RABGAP1L: variants seen among roughly 807,000 people sequenced by gnomAD.
RABGAP1L encodes rab GTPase-activating protein 1-like.
In RABGAP1L, 63 loss-of-function variants were observed where a neutral mutation model predicts 137.7. The observed-to-expected ratio is 0.46, with a 90% CI of 0.37 to 0.56. The LOEUF is 0.56. Ranked by LOEUF, RABGAP1L falls within the 20% of genes least tolerant of loss-of-function variation. RABGAP1L has a pLI of 0.00. For synonymous variants in RABGAP1L, 431 were observed against 433.7 expected (o/e 0.99, Z 0.08); for missense variants, 1,095 against 1,244.0 (o/e 0.88, Z 1.80).
chr1:174,327,763 C>T (rs917368429), intron 11 of RABGAP1L, among the ~76,000 whole-genome samples: 36 of 151,420 alleles, frequency 2.4e-4, no homozygotes, highest in African/African-American at 8.2e-4. Flanking sequence ...TCACTTCACC[C>T]TTAAGAACAT....
chr1:174,703,493 G>C (rs532066604), intron 17 of RABGAP1L, among the ~76,000 whole-genome samples: 3 of 152,224 alleles, frequency 2.0e-5, no homozygotes, highest in African/African-American at 7.2e-5. Flanking sequence ...TCCACTGATG[G>C]ACACTTAACG....
At chr1:174,176,726 A>ATAAAAT (rs1186319790) in intron 1 of RABGAP1L, among the ~76,000 whole-genome samples, 1 of 130,504 alleles carries the variant, frequency 7.7e-6, no homozygotes, top group Non-Finnish European at 1.6e-5. Flanking sequence ...AAAAAAAAAA[A>ATAAAAT]AAAAAAAAAA....
intron 13 of RABGAP1L, among the ~76,000 whole-genome samples, chr1:174,418,445 A>C (rs1650864750): frequency 6.6e-6 from 1 of 152,198 alleles, no homozygotes; most frequent in South Asian, 2.1e-4. Flanking sequence ...GGTCCCTGTG[A>C]TGGCACATTA....
At chr1:174,462,876 G>T (rs773195725) in intron 13 of RABGAP1L, among the ~76,000 whole-genome samples, 5 of 152,116 alleles carry the variant, frequency 3.3e-5, no homozygotes, top group Admixed American at 1.3e-4. Flanking sequence ...ATTCTCAAAA[G>T]AAGACATTTG....
chr1:174,742,207 A>G (rs1462354815), intron 17 of RABGAP1L, among the ~76,000 whole-genome samples: 8 of 143,364 alleles, frequency 5.6e-5, no homozygotes, highest in Non-Finnish European at 7.6e-5. Context: ...GAGGGGGAGG[A>G]GGAGGAAAGA....
At chr1:174,581,233 A>G (rs1485338307) in intron 13 of RABGAP1L, among the ~76,000 whole-genome samples, 1 of 152,252 alleles carries the variant, frequency 6.6e-6, no homozygotes, top group East Asian at 1.9e-4. Flanking sequence ...CTATTTAGCA[A>G]CATTGTTCAT....
Position 174,231,127 on chromosome 1 carries a change from C to G in RABGAP1L, c.332-18C>G. 1 of 1,572,754 alleles carries G rather than the reference C, an allele frequency of 6.4e-7. No individual in the cohort carries two copies. Among genetic ancestry groups the G allele is most frequent in the Non-Finnish European group, 8.7e-7 (1 of 1,149,510 alleles). Reference sequence around the variant, plus strand: ...GTTTTGCAATGACTTTTGAGTGTTTCTTTTTTTGTTTCTTCAGAAATTTCT... The same window carrying G: ...GTTTTGCAATGACTTTTGAGTGTTTGTTTTTTTGTTTCTTCAGAAATTTCT... On this transcript the variant is annotated intron_variant, in intron 3 of 25. Transcript: ENST00000681986.
intron 13 of RABGAP1L, among the ~76,000 whole-genome samples, chr1:174,550,895 T>TATAC (rs1456087584): frequency 0.025 from 1,266 of 50,722 alleles, 12 homozygotes; most frequent in Non-Finnish European, 0.037. Context: ...TATATATATA[T>TATAC]ACACACACAC....
intron 11 of RABGAP1L, among the ~76,000 whole-genome samples, chr1:174,326,204 A>G (rs961064533): frequency 6.6e-6 from 1 of 152,242 alleles, no homozygotes; most frequent in African/African-American, 2.4e-5. Flanking sequence ...CACCAAAAGG[A>G]CAAAGCAAGG....
In RABGAP1L at chr1:174,995,015, G is replaced by C. The variant is rs1252981125; in HGVS notation, c.*5014G>C. 1 of 152,104 alleles carries C rather than the reference G, an allele frequency of 6.6e-6. No individual in the cohort carries two copies. The highest frequency in any genetic ancestry group is 2.4e-5 in the African/African-American group (1 of 41,424). The allele number at this position is 152,104 out of a possible 1,614,324, so 9.4% of individuals were successfully genotyped here. ...CTCTATAAACAATGACCAATTAGAC[G>C]TTTCCGTAATTCCATGTATTATGTA... On this transcript the variant is annotated 3_prime_UTR_variant, in exon 26 of 26. Coordinates refer to ENST00000681986, the MANE Select transcript of RABGAP1L (RefSeq NM_001366446.1).
At chr1:174,521,543 C>G (rs1364727480) in intron 13 of RABGAP1L, among the ~76,000 whole-genome samples, 1 of 152,122 alleles carries the variant, frequency 6.6e-6, no homozygotes, top group Non-Finnish European at 1.5e-5. Context: ...TAGGTCTTTC[C>G]CAATGACCCT....
intron 7 of RABGAP1L, among the ~76,000 whole-genome samples, chr1:174,253,660 CT>C (rs1385397891): frequency 2.0e-5 from 3 of 152,136 alleles, no homozygotes; most frequent in Non-Finnish European, 4.4e-5. Flanking sequence ...TTTGAAGGGG[CT>C]TCAACTGGTT....
intron 13 of RABGAP1L, among the ~76,000 whole-genome samples, chr1:174,453,266 T>G (rs1033161103): frequency 6.6e-6 from 1 of 152,344 alleles, no homozygotes; most frequent in Non-Finnish European, 1.5e-5. Flanking sequence ...CACTTTAATT[T>G]TCCTCATTTA....
At chr1:174,179,126 A>T (rs1212022067) in intron 1 of RABGAP1L, among the ~76,000 whole-genome samples, 1 of 152,026 alleles carries the variant, frequency 6.6e-6, no homozygotes, top group African/African-American at 2.4e-5. Flanking sequence ...CCCAGGCTGT[A>T]CTCAAACTCC....
chr1:174,771,330 G>A (rs1469429439), intron 18 of RABGAP1L, among the ~76,000 whole-genome samples: 1 of 152,138 alleles, frequency 6.6e-6, no homozygotes, highest in Non-Finnish European at 1.5e-5. Context: ...GTGTCAATCT[G>A]TGCTATAGGT....
intron 14 of RABGAP1L, among the ~76,000 whole-genome samples, chr1:174,650,821 T>C (rs995911357): frequency 2.1e-4 from 30 of 145,676 alleles, no homozygotes; most frequent in Non-Finnish European, 4.2e-4. Context: ...GGGTTTTTTG[T>C]GTCTCTATTT....
chr1:174,649,976 T>C (rs57243929), intron 14 of RABGAP1L, among the ~76,000 whole-genome samples: 11,929 of 152,212 alleles, frequency 0.078, 661 homozygotes, highest in East Asian at 0.32. Context: ...GGGTGTGTCA[T>C]AGATAGCTCT....
intron 13 of RABGAP1L, among the ~76,000 whole-genome samples, chr1:174,457,121 G>A (rs979525970): frequency 6.6e-6 from 1 of 152,158 alleles, no homozygotes; most frequent in African/African-American, 2.4e-5. Flanking sequence ...ATACATTGTA[G>A]CGTTAGAGGG....
intron 12 of RABGAP1L, among the ~76,000 whole-genome samples, chr1:174,387,383 A>G (rs1012844373): frequency 2.0e-5 from 3 of 152,206 alleles, no homozygotes; most frequent in African/African-American, 7.2e-5. Context: ...GAAAATTGTG[A>G]TATTATCAAT....
Sources: allele counts gnomAD v4.1 joint callset (sites outside exome capture counted in the v4.1 genomes callset), GRCh38; gene constraint gnomAD v4.1.1; transcripts MANE v1.5; gene names NCBI Gene and HGNC (gene_info 2026-07-23, HGNC 2026-07-21).